Variants in ANK3 observed in about 807,000 individuals in gnomAD.
ANK3 encodes ankyrin-3.
A neutral mutation model predicts 370.9 loss-of-function variants in ANK3; 57 were observed. The ratio of observed to expected loss-of-function variants is 0.15; its 90% CI spans 0.12 to 0.19. The LOEUF is 0.19. ANK3 is among the 10% of genes least tolerant of loss of function. ANK3 has a pLI of 1.00. For missense variants in ANK3, 4,439 were observed against 5,302.1 expected (o/e 0.84, Z 5.06); for synonymous variants, 1,929 against 1,946.3 (o/e 0.99, Z 0.23).
At position 60,068,752 on chromosome 10, in the gene ANK3, C is replaced by A; in HGVS notation, c.12129G>T (p.Arg4043=). The A allele has an allele frequency of 1.9e-6, 3 of 1,614,180 alleles. No individual in the cohort carries two copies. Among genetic ancestry groups the A allele is most frequent in the Non-Finnish European group, 2.5e-6 (3 of 1,180,016 alleles). The change falls in exon 37 of 44, where the codon CGG becomes CGT. Residue 4043 remains arginine, a synonymous_variant. Transcript: ENST00000280772. The part of the protein sequence containing the change: ...SRNTSLSETS[R]GGQPSVTTKS... ...TCGTTGTAACCGAAGGCTGGCCACC[C>A]CGGGAAGTCTCGGACAACGACGTGT... is the stretch of plus-strand genomic sequence containing the variant.
chr10:60,666,816 A>G (rs1045095432), intron 1 of ANK3, among the ~76,000 whole-genome samples: 17 of 152,196 alleles, frequency 1.1e-4, no homozygotes, highest in African/African-American at 3.9e-4. Flanking sequence ...CTAAAACTGC[A>G]CATACCCCAT....
intron 2 of ANK3, among the ~76,000 whole-genome samples, chr10:60,609,468 G>A (rs1342154647): frequency 6.6e-6 from 1 of 151,940 alleles, no homozygotes; most frequent in Admixed American, 6.6e-5. Flanking sequence ...GTTTAGATGT[G>A]ACAATAGATG....
chr10:60,521,776 C>T (rs1447949481), intron 2 of ANK3, among the ~76,000 whole-genome samples: 1 of 152,036 alleles, frequency 6.6e-6, no homozygotes, highest in Admixed American at 6.6e-5. Flanking sequence ...AAAGGGTTGC[C>T]TTAACTTAAA....
chr10:60,206,892 AGGCTTCTCAGACCATTT>A (rs1363886826), intron 10 of ANK3, among the ~76,000 whole-genome samples: 1 of 152,234 alleles, frequency 6.6e-6, no homozygotes, highest in African/African-American at 2.4e-5. Flanking sequence ...GCTTTCACCG[AGGCTTCTCAGACCATTT>A]GGCCACAGTC....
At chr10:60,489,314 G>A (rs2075431601) in intron 2 of ANK3, among the ~76,000 whole-genome samples, 1 of 152,174 alleles carries the variant, frequency 6.6e-6, no homozygotes, top group Non-Finnish European at 1.5e-5. Flanking sequence ...GTGCCCAGGA[G>A]CCAAGACTAA....
chr10:60,572,762 T>A (rs753874217), intron 2 of ANK3: 9 of 1,276,902 alleles, frequency 7.0e-6, no homozygotes, highest in Non-Finnish European at 8.9e-6. Context: ...TATCAAACAG[T>A]CAATTATTCT....
intron 2 of ANK3, among the ~76,000 whole-genome samples, chr10:60,418,442 C>T (rs1223610319): frequency 6.6e-6 from 1 of 152,154 alleles, no homozygotes; most frequent in Admixed American, 6.5e-5. Context: ...TCTTTGCTTT[C>T]ATAGCTGCAG....
chr10:60,602,069 T>G (rs1431165076), intron 2 of ANK3, among the ~76,000 whole-genome samples: 3 of 152,116 alleles, frequency 2.0e-5, no homozygotes, highest in Non-Finnish European at 4.4e-5. Flanking sequence ...TACACTGGAA[T>G]AGTAAGAGCA....
chr10:60,515,552 T>C (rs1187410976), intron 2 of ANK3, among the ~76,000 whole-genome samples: 1 of 152,174 alleles, frequency 6.6e-6, no homozygotes, highest in Admixed American at 6.6e-5. Context: ...AATGTAATTA[T>C]AAATCATTAT....
chr10:60,165,010 T>C (rs1019310606), intron 23 of ANK3, among the ~76,000 whole-genome samples: 1 of 152,230 alleles, frequency 6.6e-6, no homozygotes, highest in East Asian at 1.9e-4. Flanking sequence ...TCAATTAAAT[T>C]CAAATTTCGA....
chr10:60,150,339 A>G (rs1212281121), intron 23 of ANK3, among the ~76,000 whole-genome samples: 1 of 152,044 alleles, frequency 6.6e-6, no homozygotes, highest in Non-Finnish European at 1.5e-5. Flanking sequence ...CCTCTTCCCA[A>G]TCCCCATCCT....
intron 23 of ANK3, among the ~76,000 whole-genome samples, chr10:60,145,269 A>T (rs1024493462): frequency 2.0e-5 from 3 of 152,230 alleles, no homozygotes; most frequent in African/African-American, 7.2e-5. Flanking sequence ...ATAAAGAGAA[A>T]CAGTGTCTCT....
chr10:60,426,226 T>C (rs2132964447), intron 2 of ANK3, among the ~76,000 whole-genome samples: 1 of 152,184 alleles, frequency 6.6e-6, no homozygotes, highest in East Asian at 1.9e-4. Flanking sequence ...AAACTTCTGT[T>C]GTATGGTTGA....
At chr10:60,033,079 G>T (rs2074061161) in intron 43 of ANK3, among the ~76,000 whole-genome samples, 1 of 152,174 alleles carries the variant, frequency 6.6e-6, no homozygotes. Context: ...AGATGCAGTT[G>T]CACTTAGGAA....
chr10:60,588,926 A>G (rs2077872390), intron 2 of ANK3, among the ~76,000 whole-genome samples: 1 of 152,172 alleles, frequency 6.6e-6, no homozygotes, highest in Non-Finnish European at 1.5e-5. Context: ...AAACACCAAA[A>G]CAAATAAACA....
chr10:60,212,148 A>G (rs895601572), intron 9 of ANK3, among the ~76,000 whole-genome samples: 34 of 152,114 alleles, frequency 2.2e-4, no homozygotes, highest in Non-Finnish European at 3.4e-4. Flanking sequence ...AAGCAATGAG[A>G]TGAATAGGAG....
At chr10:60,439,585 G>A (rs1323182771) in intron 2 of ANK3, among the ~76,000 whole-genome samples, 3 of 152,142 alleles carry the variant, frequency 2.0e-5, no homozygotes, top group Non-Finnish European at 4.4e-5. Flanking sequence ...TAAACCGAAA[G>A]CAGCCACCAT....
chr10:60,505,376 C>T (rs188179418), intron 2 of ANK3, among the ~76,000 whole-genome samples: 19 of 152,030 alleles, frequency 1.2e-4, no homozygotes, highest in Non-Finnish European at 8.8e-5. Flanking sequence ...AAAAAATTCA[C>T]TCATCTCATT....
At chr10:60,478,607 A>C (rs1186318784) in intron 2 of ANK3, among the ~76,000 whole-genome samples, 1 of 152,116 alleles carries the variant, frequency 6.6e-6, no homozygotes, top group Non-Finnish European at 1.5e-5. Flanking sequence ...AATTTCTGAT[A>C]ATTTTGTTAG....
Sources: gnomAD v4.1 joint callset for allele counts (sites outside exome capture counted in the v4.1 genomes callset) on GRCh38, gnomAD v4.1.1 for gene constraint, MANE v1.5 for transcripts, NCBI Gene and HGNC (gene_info 2026-07-23, HGNC 2026-07-21) for gene names.